ZCWPW2: variants seen among roughly 807,000 people sequenced by gnomAD.
ZCWPW2 encodes the protein zinc finger CW-type and PWWP domain containing 2, also known as zinc finger CW-type PWWP domain protein 2.
In ZCWPW2, 45 loss-of-function variants were observed where a neutral mutation model predicts 46.6. The ratio of observed to expected loss-of-function variants is 0.96; its 90% CI spans 0.76 to 1.24. The LOEUF (loss-of-function observed/expected upper bound fraction) is 1.24. Ranked by LOEUF, ZCWPW2 falls within the 50% of genes most tolerant of loss-of-function variation. The probability of loss-of-function intolerance (pLI) is 0.00; values close to 1 mark genes in which losing one functional copy is unlikely to be tolerated. For synonymous variants in ZCWPW2, 152 were observed against 137.1 expected (o/e 1.11, Z -0.76); for missense variants, 429 against 403.9 (o/e 1.06, Z -0.53).
intron 1 of ZCWPW2, among the ~76,000 whole-genome samples, 176 bp from the exon 2 acceptor site, chr3:28,390,322 A>T (rs962299713): frequency 3.3e-5 from 5 of 152,252 alleles, no homozygotes; most frequent in Non-Finnish European, 7.3e-5. Context: ...TACTATTACC[A>T]TATGAGTATG....
At chr3:28,390,683 T>A in intron 2 of ZCWPW2, 66 bp downstream of exon 2, 1 of 968,558 alleles carries the variant, frequency 1.0e-6, no homozygotes, top group Non-Finnish European at 1.2e-6. Context: ...CCCATCACTG[T>A]TCTCTATTGC....
At chr3:28,371,936 T>C (rs1392456596) in intron 1 of ZCWPW2, among the ~76,000 whole-genome samples, 4 of 151,796 alleles carry the variant, frequency 2.6e-5, no homozygotes, top group African/African-American at 9.7e-5. Context: ...TTTTGTTTGT[T>C]CTTTCATCTT....
chr3:28,403,012 A>G (rs1029360959), intron 2 of ZCWPW2, among the ~76,000 whole-genome samples: 7 of 152,162 alleles, frequency 4.6e-5, no homozygotes, highest in African/African-American at 1.4e-4. Context: ...CACTCTCACC[A>G]CTTCTCTTCC....
intron 4 of ZCWPW2, among the ~76,000 whole-genome samples, chr3:28,437,123 C>CA (rs1296720545): frequency 2.0e-5 from 3 of 152,130 alleles, no homozygotes; most frequent in Non-Finnish European, 4.4e-5. Flanking sequence ...ACCACTTACA[C>CA]AAAAAATACT....
chr3:28,383,308 A>T (rs1449794804), intron 1 of ZCWPW2, among the ~76,000 whole-genome samples: 3 of 152,094 alleles, frequency 2.0e-5, no homozygotes, highest in Admixed American at 6.5e-5. Flanking sequence ...AATGTTACAT[A>T]TTGGAAAAAT....
chr3:28,471,350 C>T (rs932533884), intron 4 of ZCWPW2, among the ~76,000 whole-genome samples: 2 of 152,074 alleles, frequency 1.3e-5, no homozygotes, highest in Non-Finnish European at 2.9e-5. Context: ...ATGCAAAAAT[C>T]CTCAACAAAA....
chr3:28,454,304 A>G (rs969967926), intron 4 of ZCWPW2, among the ~76,000 whole-genome samples: 1 of 152,192 alleles, frequency 6.6e-6, no homozygotes, highest in African/African-American at 2.4e-5. Context: ...TGTAGGGAGT[A>G]TGATGTCCTA....
chr3:28,518,291 G>C (rs1346975519), intron 8 of ZCWPW2, among the ~76,000 whole-genome samples: 1 of 150,638 alleles, frequency 6.6e-6, no homozygotes, highest in Non-Finnish European at 1.5e-5. Context: ...AAACAAGTCA[G>C]AGAAACTACA....
intron 2 of ZCWPW2, among the ~76,000 whole-genome samples, chr3:28,409,131 T>A (rs1180458826): frequency 7.0e-6 from 1 of 143,284 alleles, no homozygotes; most frequent in African/African-American, 2.6e-5. Flanking sequence ...TCTTTTTTTT[T>A]TTTTTTTTTT....
chr3:28,423,032 G>T (rs183744763), intron 3 of ZCWPW2, among the ~76,000 whole-genome samples: 1 of 151,798 alleles, frequency 6.6e-6, no homozygotes, highest in Non-Finnish European at 1.5e-5. Flanking sequence ...GATATTTTGC[G>T]CATTTTAAAA....
rs1700831466 is a variant in ZCWPW2 at position 28,525,731 on chromosome 3, T to G, written c.*1043T>G. On this transcript the variant is annotated 3_prime_UTR_variant, in exon 10 of 10. Coordinates refer to ENST00000383768, the MANE Select transcript of ZCWPW2 (RefSeq NM_001040432.4). ...TGAGTGGGTTGCTTCTTTTAAGTATTTTTAGATTCTATGATAATTACGTAG... is the reference window on the plus strand; with the variant it reads ...TGAGTGGGTTGCTTCTTTTAAGTATGTTTAGATTCTATGATAATTACGTAG... Among the ~76,000 whole-genome samples the G allele has an allele frequency of 6.6e-6, 1 of 152,170 alleles. No homozygotes were observed. The highest frequency in any genetic ancestry group is 2.4e-5 in the African/African-American group (1 of 41,444).
At chr3:28,466,958 A>G (rs777864876) in intron 4 of ZCWPW2, among the ~76,000 whole-genome samples, 5 of 152,174 alleles carry the variant, frequency 3.3e-5, no homozygotes, top group Admixed American at 6.5e-5. Context: ...TTGACAAACT[A>G]ATTATAAATT....
chr3:28,498,415 T>G (rs1378366986), intron 6 of ZCWPW2, among the ~76,000 whole-genome samples: 1 of 151,898 alleles, frequency 6.6e-6, no homozygotes, highest in Non-Finnish European at 1.5e-5. Flanking sequence ...TTTAATCAGA[T>G]CTCTCTAAAT....
intron 5 of ZCWPW2, among the ~76,000 whole-genome samples, chr3:28,488,002 T>C (rs187916444): frequency 6.6e-6 from 1 of 152,232 alleles, no homozygotes; most frequent in East Asian, 1.9e-4. Context: ...AAGTACAGAA[T>C]GGTCTGACAT....
chr3:28,505,679 A>G (rs975225692), intron 6 of ZCWPW2, among the ~76,000 whole-genome samples: 2 of 152,090 alleles, frequency 1.3e-5, no homozygotes, highest in Non-Finnish European at 2.9e-5. Flanking sequence ...CTTTTATATG[A>G]CTTTTAACAA....
At chr3:28,471,757 G>A (rs1260337449) in intron 4 of ZCWPW2, among the ~76,000 whole-genome samples, 2 of 152,040 alleles carry the variant, frequency 1.3e-5, no homozygotes, top group Non-Finnish European at 2.9e-5. Flanking sequence ...GAAATAAAGG[G>A]CATCCAAATT....
intron 4 of ZCWPW2, among the ~76,000 whole-genome samples, chr3:28,462,587 A>C (rs1698680258): frequency 6.6e-6 from 1 of 152,212 alleles, no homozygotes; most frequent in African/African-American, 2.4e-5. Context: ...TGATTTTGCA[A>C]ATATGAGGTA....
chr3:28,473,474 CA>C lies in ZCWPW2; in HGVS notation c.493-5330del, dbSNP rs112359578. Among the ~76,000 whole-genome samples, 53 of 132,618 alleles carry C rather than the reference CA, an allele frequency of 4.0e-4. No homozygotes were observed. The South Asian group carries it at 8.2e-3, about 21-fold the overall frequency. The allele number at this position is 132,618 out of a possible 152,430, so 87.0% of individuals were successfully genotyped here. ...TGGGTGACAGAGTAACACTTTGTCGCAAAAAAAAAACAAAAAAATAGAGCTA... is the reference window on the plus strand; with the variant it reads ...TGGGTGACAGAGTAACACTTTGTCGCAAAAAAAAACAAAAAAATAGAGCTA... On this transcript the variant is annotated intron_variant, in intron 4 of 9. Transcript: ENST00000383768.
At chr3:28,506,972 A>G (rs191368573) in intron 6 of ZCWPW2, among the ~76,000 whole-genome samples, 1 of 152,308 alleles carries the variant, frequency 6.6e-6, no homozygotes, top group East Asian at 1.9e-4. Flanking sequence ...ATTTAACAAA[A>G]GAAGACCTTG....
Sources: gnomAD v4.1 joint callset for allele counts (sites outside exome capture counted in the v4.1 genomes callset) on GRCh38, gnomAD v4.1.1 for gene constraint, MANE v1.5 for transcripts, NCBI Gene and HGNC (gene_info 2026-07-23, HGNC 2026-07-21) for gene names.